Variants in ANGPT2 observed in about 807,000 individuals in gnomAD.
The protein encoded by ANGPT2 is angiopoietin 2.
ANGPT2 carries 28 observed loss-of-function variants against 62.9 expected under a neutral mutation model. The ratio of observed to expected loss-of-function variants is 0.44; its 90% CI spans 0.33 to 0.61. ANGPT2 has a LOEUF of 0.61. ANGPT2 is among the 20% of genes least tolerant of loss of function. ANGPT2 has a pLI of 0.03. For synonymous variants in ANGPT2, 284 were observed against 207.8 expected, an observed-to-expected ratio of 1.37 and a Z score of -3.15; for missense variants, 727 against 594.9, an observed-to-expected ratio of 1.22 and a Z score of -2.31.
At chr8:6,551,441 G>A (rs1823638614) in intron 1 of ANGPT2, among the ~76,000 whole-genome samples, 1 of 152,154 alleles carries the variant, frequency 6.6e-6, no homozygotes, top group Admixed American at 6.5e-5. Flanking sequence ...AACATGCATG[G>A]ATTTATGTGT....
intron 2 of ANGPT2, among the ~76,000 whole-genome samples, chr8:6,528,632 C>A (rs1394946911): frequency 6.6e-6 from 1 of 152,258 alleles, no homozygotes; most frequent in African/African-American, 2.4e-5. Context: ...AGCAGTGCGG[C>A]TCTCCCGCGG....
intron 1 of ANGPT2, among the ~76,000 whole-genome samples, chr8:6,554,360 A>G (rs1824212777): frequency 6.6e-6 from 1 of 151,976 alleles, no homozygotes; most frequent in Admixed American, 6.6e-5. Context: ...GACTTTGTTC[A>G]CGTTCTCGCC....
chr8:6,508,191 T>C (rs1393522182), intron 8 of ANGPT2: 1 of 152,290 alleles, frequency 6.6e-6, no homozygotes, highest in Non-Finnish European at 1.5e-5. Flanking sequence ...GGCTCACACC[T>C]GTAATCTCAA....
intron 2 of ANGPT2, among the ~76,000 whole-genome samples, chr8:6,529,742 G>C (rs1333180572): frequency 6.7e-6 from 1 of 149,784 alleles, no homozygotes; most frequent in Non-Finnish European, 1.5e-5. Flanking sequence ...TAGGATTATA[G>C]ATCTGAGCAA....
intron 5 of ANGPT2, among the ~76,000 whole-genome samples, chr8:6,516,092 C>A (rs768416960): frequency 6.6e-6 from 1 of 152,152 alleles, no homozygotes; most frequent in Non-Finnish European, 1.5e-5. Flanking sequence ...CCCAGTGGCA[C>A]TCATGTTTGG....
rs1174600446 is a variant in ANGPT2 at position 6,501,939 on chromosome 8, T to C, written c.*1162A>G. The C allele has an allele frequency of 6.6e-6, 1 of 152,082 alleles. No homozygotes were observed. The highest frequency in any genetic ancestry group is 1.5e-5 in the Non-Finnish European group (1 of 68,004). The allele number at this position is 152,082 out of a possible 1,614,324, so 9.4% of individuals were successfully genotyped here. A position where few individuals can be genotyped will look rare whatever the true frequency, so the allele number is the denominator to read the frequency against. On this transcript the variant is annotated 3_prime_UTR_variant, in exon 9 of 9. Coordinates refer to ENST00000629816, the MANE Select transcript of ANGPT2 (RefSeq NM_001118887.2). ...TTGCACTTTGAAACCCTTTTTTTTT[T>C]TTCAGTTTGCTGATTGACATAAAAA... is the stretch of plus-strand genomic sequence containing the variant.
chr8:6,555,768 A>T (rs1334558434), intron 1 of ANGPT2, among the ~76,000 whole-genome samples: 1 of 152,128 alleles, frequency 6.6e-6, no homozygotes, highest in Admixed American at 6.5e-5. Flanking sequence ...CAGCCACATA[A>T]ATTTGTTTTT....
chr8:6,539,211 A>G (rs1821070048), intron 1 of ANGPT2, among the ~76,000 whole-genome samples: 3 of 152,248 alleles, frequency 2.0e-5, no homozygotes, highest in Admixed American at 1.3e-4. Context: ...CAGTACCCAC[A>G]GTGAGAGGTG....
At position 6,499,813 on chromosome 8, in the gene ANGPT2, A is replaced by G; in HGVS notation, c.*3288T>C. 1 of 1,585,060 alleles carries G rather than the reference A, an allele frequency of 6.3e-7. No homozygotes were observed. The highest frequency in any genetic ancestry group is 8.7e-7 in the Non-Finnish European group (1 of 1,155,272). On this transcript the variant is annotated 3_prime_UTR_variant, in exon 9 of 9. Transcript: ENST00000629816. ...CTTGGTTTATTGCCTGCTAAGGCTA[A>G]TAAATGTATAATAAATCTGCTTGTT...
intron 2 of ANGPT2, among the ~76,000 whole-genome samples, chr8:6,531,309 G>A (rs1365611668): frequency 3.6e-5 from 5 of 137,278 alleles, no homozygotes; most frequent in Non-Finnish European, 7.8e-5. Flanking sequence ...TTTTTTTTGA[G>A]TTGAAGTCTC....
chr8:6,543,778 T>G (rs1459193700), intron 1 of ANGPT2, among the ~76,000 whole-genome samples: 1 of 152,170 alleles, frequency 6.6e-6, no homozygotes, highest in African/African-American at 2.4e-5. Context: ...CTCCCAAGTA[T>G]TTAAAGCTGC....
At chr8:6,542,090 G>T (rs1821694325) in intron 1 of ANGPT2, among the ~76,000 whole-genome samples, 1 of 151,794 alleles carries the variant, frequency 6.6e-6, no homozygotes, top group Admixed American at 6.6e-5. Flanking sequence ...TGAGATTGAT[G>T]CATTTAGGCT....
chr8:6,546,417 G>T (rs1822584649), intron 1 of ANGPT2, among the ~76,000 whole-genome samples: 1 of 152,234 alleles, frequency 6.6e-6, no homozygotes, highest in South Asian at 2.1e-4. Context: ...TTAGCATAGA[G>T]CGTAAAATGC....
chr8:6,508,740 C>T, intron 8 of ANGPT2, 192 bp downstream of exon 8: 2 of 759,742 alleles, frequency 2.6e-6, no homozygotes, highest in Non-Finnish European at 4.3e-6. Flanking sequence ...AGTCTAGCTC[C>T]ATATCATATT....
chr8:6,518,578 C>G (rs1012693039), intron 5 of ANGPT2, among the ~76,000 whole-genome samples: 2 of 152,280 alleles, frequency 1.3e-5, no homozygotes, highest in South Asian at 4.2e-4. Flanking sequence ...GTTTCAAGTT[C>G]CAGGTCTTTA....
intron 3 of ANGPT2, among the ~76,000 whole-genome samples, chr8:6,526,122 T>C (rs1307047829): frequency 6.6e-6 from 1 of 152,014 alleles, no homozygotes; most frequent in Non-Finnish European, 1.5e-5. Context: ...TAAGTAAGAC[T>C]ATTTTAAGAA....
chr8:6,528,173 C>T (rs1407828639), intron 2 of ANGPT2, among the ~76,000 whole-genome samples: 1 of 152,184 alleles, frequency 6.6e-6, no homozygotes, highest in South Asian at 2.1e-4. Context: ...CTGGGATTTA[C>T]AGGCATTAGC....
At chr8:6,507,676 A>G (rs1814055516) in intron 8 of ANGPT2, 1 of 148,258 alleles carries the variant, frequency 6.7e-6, no homozygotes, top group African/African-American at 2.5e-5. Context: ...TCCCAGGTTC[A>G]AGCCATTCTC....
At chr8:6,516,012 C>T (rs1221869656) in intron 5 of ANGPT2, among the ~76,000 whole-genome samples, 1 of 152,194 alleles carries the variant, frequency 6.6e-6, no homozygotes, top group African/African-American at 2.4e-5. Context: ...ACAGCCTGGT[C>T]TGCAGGGGAC....
Sources: allele counts gnomAD v4.1 joint callset (sites outside exome capture counted in the v4.1 genomes callset), GRCh38; gene constraint gnomAD v4.1.1; transcripts MANE v1.5; gene names NCBI Gene and HGNC (gene_info 2026-07-23, HGNC 2026-07-21).